Variants in PRSS27 observed in about 807,000 individuals in gnomAD.
PRSS27 encodes the protein serine protease 27.
Under a neutral mutation model 32.0 loss-of-function variants are expected in PRSS27, and 25 were observed. The observed-to-expected ratio is 0.78, with a 90% CI of 0.57 to 1.09. The LOEUF (loss-of-function observed/expected upper bound fraction) is 1.09, where lower values mean the gene tolerates loss of function less well. PRSS27 is among the 50% of genes least tolerant of loss of function. The pLI is 0.00. For synonymous variants in PRSS27, 178 were observed against 172.2 expected (o/e 1.03, Z -0.26); for missense variants, 401 against 394.9 (o/e 1.02, Z -0.13).
chr16:2,712,833 C>T lies in PRSS27; in HGVS notation c.679-19G>A. On this transcript the variant is annotated intron_variant, in intron 5 of 5. Transcript: ENST00000302641. The surrounding 1 kb of genome is among the most constrained non-coding windows in gnomAD (Gnocchi z 4.6). ...AGTCGCCCTGCGGGGGACGCAGAGT[C>T]ACCGTCAGAGCCCACCTTGAGTTCC... 2 of 1,511,466 alleles carry T rather than the reference C, an allele frequency of 1.3e-6. No individual in the cohort carries two copies. Among genetic ancestry groups the T allele is most frequent in the Non-Finnish European group, 1.8e-6 (2 of 1,127,166 alleles). 93.6% of individuals were successfully genotyped at this position (1,511,466 alleles called of 1,614,324 possible).
chr16:2,712,448 G>C lies in PRSS27; in HGVS notation c.*172C>G. On this transcript the variant is annotated 3_prime_UTR_variant, in exon 6 of 6. Coordinates refer to ENST00000302641, the MANE Select transcript of PRSS27 (RefSeq NM_031948.5). The surrounding 1 kb of genome is among the most constrained non-coding windows in gnomAD (Gnocchi z 4.6). ...GGCACACAGGCTGGGTTTTTATTGG[G>C]AGAAACATAAATAAAATAAGGGTAT... 1.6e-6 allele frequency: 1 copy of C among 621,274 alleles called. No homozygotes were observed. Among genetic ancestry groups the C allele is most frequent in the Non-Finnish European group, 2.6e-6 (1 of 379,588 alleles). The allele number at this position is 621,274 out of a possible 1,614,324, so 38.5% of individuals were successfully genotyped here. A position where few individuals can be genotyped will look rare whatever the true frequency, so the allele number is the denominator to read the frequency against.
rs2142064991 is a variant in PRSS27, at chr16:2,713,717, G to C, written c.509-19C>G. ...AGGAGGTCTGGAGAGGGGCGGAACAGCCCAGGGCTCAACGGACTTCCTCAT... is the reference window on the plus strand; with the variant it reads ...AGGAGGTCTGGAGAGGGGCGGAACACCCCAGGGCTCAACGGACTTCCTCAT... On this transcript the variant is annotated intron_variant, in intron 4 of 5. Coordinates refer to ENST00000302641, the MANE Select transcript of PRSS27 (RefSeq NM_031948.5). 6.2e-7 allele frequency: 1 copy of C among 1,612,074 alleles called. No homozygotes were observed. Among genetic ancestry groups the C allele is most frequent in the African/African-American group, 1.3e-5 (1 of 75,012 alleles).
At position 2,712,643 on chromosome 16, in the gene PRSS27, C is replaced by A. The variant is rs2067669308; in HGVS notation, c.850G>T (p.Ala284Ser). 1 of 1,591,890 alleles carries A rather than the reference C, an allele frequency of 6.3e-7. No homozygotes were observed. The highest frequency in any genetic ancestry group is 8.6e-7 in the Non-Finnish European group (1 of 1,168,946). Residue 284 changes from alanine to serine, a missense_variant, in exon 6 of 6, where the codon GCG (alanine) becomes TCG (serine). Ala to Ser is a moderately conservative substitution (Grantham distance 99, BLOSUM62 1). Transcript: ENST00000302641. The surrounding 1 kb of genome is among the most constrained non-coding windows in gnomAD (Gnocchi z 4.6). Reference protein sequence around the residue: ...RIIPKLQFQPARLGGQK With the variant: ...RIIPKLQFQPSRLGGQK The stretch of plus-strand genomic sequence containing the variant: ...TCTCACTTCTGGCCGCCCAACCTCG[C>A]TGGCTGGAACTGCAGTTTGGGGATG...
Position 2,716,537 on chromosome 16 carries a change from G to A in PRSS27, c.47-11C>T, listed in dbSNP as rs1241318065. On this transcript the variant is annotated splice_polypyrimidine_tract_variant and intron_variant, in intron 1 of 5. Transcript: ENST00000302641. ...TGGCCCTCTGAGACCCTGGAAGTGA[G>A]GAGAGGGTGATCAGCCAGGCCAGCT... is the stretch of plus-strand genomic sequence containing the variant. 6.3e-7 allele frequency: 1 copy of A among 1,598,304 alleles called. No individual in the cohort carries two copies. The highest frequency in any genetic ancestry group is 8.5e-7 in the Non-Finnish European group (1 of 1,175,882).
rs917560282 is a variant in PRSS27, at chr16:2,713,266, T to C, written c.678+263A>G. On this transcript the variant is annotated intron_variant, in intron 5 of 5. Coordinates refer to ENST00000302641, the MANE Select transcript of PRSS27 (RefSeq NM_031948.5). The stretch of plus-strand genomic sequence containing the variant: ...GGCGCCCACCACCACGCCTGGCTAA[T>C]TTTTTGTATTTTTAGTAGAGATGGG... 71 of 481,058 alleles carry C rather than the reference T, an allele frequency of 1.5e-4. 2 individuals are homozygous for C. Among genetic ancestry groups the C allele is most frequent in the South Asian group, 1.2e-3 (59 of 49,150 alleles). The allele number at this position is 481,058 out of a possible 1,614,324, so 29.8% of individuals were successfully genotyped here. A position where few individuals can be genotyped will look rare whatever the true frequency, so the allele number is the denominator to read the frequency against.
rs1345724689 is a variant in PRSS27 at position 2,716,738 on chromosome 16, C to T, written c.47-212G>A. On this transcript the variant is annotated intron_variant, in intron 1 of 5. Transcript: ENST00000302641. ...TCAGGCCCAGGCCCATGGGCCACAG[C>T]TTATCTGCAAGGGTGGATGCTCCTT... is the stretch of plus-strand genomic sequence containing the variant. 4 of 584,848 alleles carry T rather than the reference C, an allele frequency of 6.8e-6. No homozygotes were observed. In the African/African-American group the frequency reaches 7.4e-5, roughly 11 times the overall value. The allele number at this position is 584,848 out of a possible 1,614,324, so 36.2% of individuals were successfully genotyped here.
chr16:2,716,151 G>A (rs780577267), intron 2 of PRSS27: 15 of 545,884 alleles, frequency 2.7e-5, no homozygotes, highest in Middle Eastern at 4.7e-4. Context: ...ACCCAGGGAA[G>A]GGTCTTGTCC....
rs748412933 is a variant in PRSS27 at position 2,713,661 on chromosome 16, A to G, written c.546T>C (p.Ala182=). The change falls in exon 5 of 6, where the codon GCT becomes GCC. Residue 182 remains alanine, a synonymous_variant. Transcript: ENST00000302641. ...LPEPRILQKL[A]VPIIDTPKCN... ...ACTTGGGTGTGTCGATGATGGGCAC[A>G]GCGAGTTTCTGCAGGATCCGCGGTT... The G allele has an allele frequency of 4.3e-6, 7 of 1,614,236 alleles. No homozygotes were observed. In the Admixed American group the frequency reaches 1.0e-4, roughly 23 times the overall value.
At chr16:2,713,397 C>A in intron 5 of PRSS27, 132 bp downstream of exon 5, 1 of 985,596 alleles carries the variant, frequency 1.0e-6, no homozygotes, top group South Asian at 1.3e-5. Flanking sequence ...CACACCCGGC[C>A]CTGGAATCTG....
intron 4 of PRSS27, among the ~76,000 whole-genome samples, 173 bp downstream of exon 4, chr16:2,713,892 C>G (rs913762819): frequency 6.6e-6 from 1 of 152,184 alleles, no homozygotes; most frequent in Non-Finnish European, 1.5e-5. Context: ...CTCCCTTCAC[C>G]CCCTCTTCCT....
intron 2 of PRSS27, chr16:2,716,258 A>G: frequency 1.7e-6 from 1 of 595,184 alleles, no homozygotes; most frequent in Non-Finnish European, 3.0e-6. Context: ...GTTCAGGGTG[A>G]TCCTCAGACC....
chr16:2,714,136 G>T lies in PRSS27; in HGVS notation c.437C>A (p.Pro146His), dbSNP rs991776566. 1 of 1,614,162 alleles carries T rather than the reference G, an allele frequency of 6.2e-7. No homozygotes were observed. Among genetic ancestry groups the T allele is most frequent in the Middle Eastern group, 1.6e-4 (1 of 6,062 alleles). ...FTNYILPVCLPDPSVIFETGM... is the reference protein window; with the variant it reads ...FTNYILPVCLHDPSVIFETGM... ...CGTCTCAAAGATCACCGAGGGGTCAGGCAGGCACACGGGGAGGATGTAATT... is the reference window on the plus strand; with the variant it reads ...CGTCTCAAAGATCACCGAGGGGTCATGCAGGCACACGGGGAGGATGTAATT... Residue 146 changes from proline (P) to histidine (H), a missense_variant, in exon 4 of 6, where the codon CCT (proline) becomes CAT (histidine). Physicochemically the swap from Pro to His is moderately conservative, Grantham distance 77. Coordinates refer to ENST00000302641, the MANE Select transcript of PRSS27 (RefSeq NM_031948.5). This position sits in a 1 kb window ranked among gnomAD's most constrained non-coding sequence, Gnocchi z 4.7.
intron 2 of PRSS27, 170 bp downstream of exon 2, chr16:2,716,330 G>A: frequency 1.5e-6 from 1 of 675,770 alleles, no homozygotes; most frequent in Non-Finnish European, 2.6e-6. Flanking sequence ...CTCTTGTGTG[G>A]ACCTTCCTCC....
At chr16:2,715,627 T>C in intron 3 of PRSS27, 91 bp downstream of exon 3, 1 of 1,087,130 alleles carries the variant, frequency 9.2e-7, no homozygotes. Flanking sequence ...CCCGCAGGAT[T>C]TGGCGCGGCG....
intron 5 of PRSS27, chr16:2,713,142 A>T: frequency 2.1e-6 from 1 of 471,282 alleles, no homozygotes; most frequent in Non-Finnish European, 3.9e-6. Flanking sequence ...TCTGTGGCCC[A>T]GGCTGGAGTG....
In PRSS27 at chr16:2,713,960, G is replaced by A. The variant is rs2067683223; in HGVS notation, c.508+105C>T. 5.6e-6 allele frequency: 7 copies of A among 1,254,454 alleles called. No homozygotes were observed. In the East Asian group the frequency reaches 1.6e-4, roughly 29 times the overall value. The allele number at this position is 1,254,454 out of a possible 1,614,324, so 77.7% of individuals were successfully genotyped here. On this transcript the variant is annotated intron_variant, in intron 4 of 5. Transcript: ENST00000302641. ...CTGTGTGAACAGAGACCGTGTGTAT[G>A]TATTAATATAGCAACAGGAAGATTG...
intron 3 of PRSS27, 41 bp downstream of exon 3, chr16:2,715,677 C>T (rs1567200319): frequency 6.6e-7 from 1 of 1,514,664 alleles, no homozygotes; most frequent in South Asian, 1.2e-5. Flanking sequence ...GCGCGGGGCG[C>T]TGTCAGCGCT....
At chr16:2,718,795 A>C (rs1490139533) in intron 1 of PRSS27, among the ~76,000 whole-genome samples, 2 of 152,170 alleles carry the variant, frequency 1.3e-5, no homozygotes, top group African/African-American at 2.4e-5. Flanking sequence ...ATCTTAGCCC[A>C]GGAGCTCCGA....
chr16:2,713,565 G>A lies in PRSS27; in HGVS notation c.642C>T (p.Cys214=), dbSNP rs754759364. ...CCTTCTTGCCCTCCTCGAAGCCGGCGCACAGCATGTCATTCTTGATGGTTT... is the reference window on the plus strand; with the variant it reads ...CCTTCTTGCCCTCCTCGAAGCCGGCACACAGCATGTCATTCTTGATGGTTT... ...QPKTIKNDML[C]AGFEEGKKDA... Residue 214 remains cysteine (C), a synonymous_variant, in exon 5 of 6, where the codon TGC becomes TGT. Transcript: ENST00000302641. 205 of 1,614,108 alleles carry A rather than the reference G, an allele frequency of 1.3e-4. No homozygotes were observed. The highest frequency in any genetic ancestry group is 4.0e-4 in the East Asian group (18 of 44,894).
Sources: allele counts gnomAD v4.1 joint callset (sites outside exome capture counted in the v4.1 genomes callset), GRCh38; gene constraint gnomAD v4.1.1; non-coding constraint Gnocchi (gnomAD v3.1); transcripts MANE v1.5; gene names NCBI Gene and HGNC (gene_info 2026-07-23, HGNC 2026-07-21).